NECTIN1: variants seen among roughly 807,000 people sequenced by gnomAD.
NECTIN1 encodes the protein nectin cell adhesion molecule 1.
NECTIN1 carries 23 observed loss-of-function variants against 48.0 expected under a neutral mutation model. That is an observed-to-expected ratio of 0.48 (90% CI 0.34 to 0.68). The LOEUF is 0.68. Ranked by LOEUF, NECTIN1 falls within the 30% of genes least tolerant of loss-of-function variation. The pLI, the probability that NECTIN1 is intolerant of heterozygous loss-of-function variation, is 0.01. For synonymous variants in NECTIN1, 270 were observed against 288.9 expected (o/e 0.93, Z 0.66); for missense variants, 591 against 709.9 (o/e 0.83, Z 1.90).
Position 119,683,572 on chromosome 11 carries a change from G to A in NECTIN1, c.80-4807C>T, listed in dbSNP as rs894009911. On this transcript the variant is annotated intron_variant, in intron 1 of 5. Coordinates refer to ENST00000264025, the MANE Select transcript of NECTIN1 (RefSeq NM_002855.5). The surrounding 1 kb of genome is among the most constrained non-coding windows in gnomAD (Gnocchi z 4.0). ...CAGAAACAGGGGCTTTGGGGATCCC[G>A]GGTGTGTGTGTGTGTGTGTGTGTGT... 1.4e-4 allele frequency among the ~76,000 whole-genome samples: 17 copies of A among 123,750 alleles called. No homozygotes were observed. Among genetic ancestry groups the A allele is most frequent in the African/African-American group, 1.2e-4 (4 of 33,138 alleles). The allele number at this position is 123,750 out of a possible 152,430, so 81.2% of individuals were successfully genotyped here.
chr11:119,681,207 C>T (rs1171393441), intron 1 of NECTIN1, among the ~76,000 whole-genome samples: 1 of 152,252 alleles, frequency 6.6e-6, no homozygotes, highest in Non-Finnish European at 1.5e-5. Context: ...CCCCACCCCT[C>T]CCCCAGGCTG....
chr11:119,651,181 G>C (rs994344650), intron 5 of NECTIN1, among the ~76,000 whole-genome samples: 12 of 152,184 alleles, frequency 7.9e-5, no homozygotes, highest in African/African-American at 2.9e-4. Flanking sequence ...AACAAGAGGA[G>C]GCAGAGTGTT....
rs1793003350 is a variant in NECTIN1, at chr11:119,665,359, G to A, written c.1004-62C>T. 4.0e-6 allele frequency: 6 copies of A among 1,510,052 alleles called. No homozygotes were observed. In the South Asian group the frequency reaches 7.7e-5, roughly 19 times the overall value. The allele number at this position is 1,510,052 out of a possible 1,614,324, so 93.5% of individuals were successfully genotyped here. On this transcript the variant is annotated intron_variant, in intron 5 of 5. Coordinates refer to ENST00000264025, the MANE Select transcript of NECTIN1 (RefSeq NM_002855.5). This position sits in a 1 kb window ranked among gnomAD's most constrained non-coding sequence, Gnocchi z 5.1. ...CGTGTGCTCCTGGGGTGTAGAGGGG[G>A]TGGGAGGGAGGCAGGGAAAGGAGAG...
At position 119,683,684 on chromosome 11, in the gene NECTIN1, A is replaced by C. The variant is rs963956847; in HGVS notation, c.80-4919T>G. 2.6e-5 allele frequency among the ~76,000 whole-genome samples: 4 copies of C among 151,896 alleles called. No homozygotes were observed. The highest frequency in any genetic ancestry group is 5.9e-5 in the Non-Finnish European group (4 of 67,988). The stretch of plus-strand genomic sequence containing the variant: ...TGGGGAGTGAAGGGCAGAGGCATCC[A>C]TAGAACCTGTGCCCTCAGCAGAGGG... On this transcript the variant is annotated intron_variant, in intron 1 of 5. Transcript: ENST00000264025. The surrounding 1 kb of genome is among the most constrained non-coding windows in gnomAD (Gnocchi z 4.0).
intron 1 of NECTIN1, among the ~76,000 whole-genome samples, chr11:119,686,489 G>A (rs1865156578): frequency 6.6e-6 from 1 of 152,078 alleles, no homozygotes; most frequent in South Asian, 2.1e-4. Flanking sequence ...GCTGCCAGAG[G>A]GATCTCTGTA....
Position 119,728,559 on chromosome 11 carries a change from G to A in NECTIN1, c.-6C>T. The A allele has an allele frequency of 1.3e-6, 2 of 1,572,548 alleles. No homozygotes were observed. Among genetic ancestry groups the A allele is most frequent in the Non-Finnish European group, 1.7e-6 (2 of 1,157,608 alleles). On this transcript the variant is annotated 5_prime_UTR_variant, in exon 1 of 6. Coordinates refer to ENST00000264025, the MANE Select transcript of NECTIN1 (RefSeq NM_002855.5). The stretch of plus-strand genomic sequence containing the variant: ...GCAAGCCCCATCCGAGCCATCGGGG[G>A]CCGGGGGTCCGGCGAGAGGGGCGGC...
rs75566521 is a variant in NECTIN1, at chr11:119,700,335, C to T, written c.80-21570G>A. Among the ~76,000 whole-genome samples the T allele has an allele frequency of 8.2e-3, 1,245 of 152,326 alleles. 10 individuals carry two copies. The highest frequency in any genetic ancestry group is 0.014 in the Non-Finnish European group (968 of 68,034). On this transcript the variant is annotated intron_variant, in intron 1 of 5. Transcript: ENST00000264025. ...TAGTTACAATGTCATTTGTCAAGTG[C>T]GGACACCTAGTTCGTGAAAGGGGCC... is the stretch of plus-strand genomic sequence containing the variant.
chr11:119,693,093 A>T (rs1252628823), intron 1 of NECTIN1, among the ~76,000 whole-genome samples: 1 of 152,202 alleles, frequency 6.6e-6, no homozygotes, highest in African/African-American at 2.4e-5. Flanking sequence ...CCGGCAGCCC[A>T]GCACAAGGAT....
chr11:119,693,082 C>A (rs1222230971), intron 1 of NECTIN1, among the ~76,000 whole-genome samples: 2 of 152,190 alleles, frequency 1.3e-5, no homozygotes, highest in Non-Finnish European at 2.9e-5. Flanking sequence ...GGCTAGCAAC[C>A]CCGGCAGCCC....
At chr11:119,708,800 G>A (rs892440601) in intron 1 of NECTIN1, among the ~76,000 whole-genome samples, 1 of 152,144 alleles carries the variant, frequency 6.6e-6, no homozygotes, top group Non-Finnish European at 1.5e-5. Context: ...GAAGAAAAGA[G>A]GCACATGAAG....
chr11:119,665,293 G>A lies in NECTIN1; in HGVS notation c.1008C>T (p.Phe336=), dbSNP rs1864747031. 6.5e-7 allele frequency: 1 copy of A among 1,547,238 alleles called. No individual in the cohort carries two copies. Among genetic ancestry groups the A allele is most frequent in the African/African-American group, 1.4e-5 (1 of 73,438 alleles). ...GTTCGGGAGGAGACGGGGTGTAGGG[G>A]AATTCTGGGTGAGGAAAAGAGATGG... is the stretch of plus-strand genomic sequence containing the variant. ...SGQVEVNITE[F]PYTPSPPEHG... is the part of the protein sequence containing the mutation. The change falls in exon 6 of 6, where the codon TTC becomes TTT. Residue 336 remains phenylalanine, a synonymous_variant. Coordinates refer to ENST00000264025, the MANE Select transcript of NECTIN1 (RefSeq NM_002855.5). This position sits in a 1 kb window ranked among gnomAD's most constrained non-coding sequence, Gnocchi z 5.1.
At chr11:119,710,435 G>A (rs1192720342) in intron 1 of NECTIN1, among the ~76,000 whole-genome samples, 222 of 2,044 alleles carry the variant, frequency 0.11, 3 homozygotes, top group South Asian at 0.35. Flanking sequence ...CACACACACA[G>A]CCCTGCATGC....
At chr11:119,687,093 G>A (rs1044836239) in intron 1 of NECTIN1, among the ~76,000 whole-genome samples, 3 of 152,046 alleles carry the variant, frequency 2.0e-5, no homozygotes, top group African/African-American at 4.8e-5. Context: ...GTCAGGGTCC[G>A]AATCTTCTCC....
chr11:119,720,360 G>A (rs142393470), intron 1 of NECTIN1, among the ~76,000 whole-genome samples: 156 of 152,370 alleles, frequency 1.0e-3, no homozygotes, highest in African/African-American at 3.6e-3. Context: ...CTGCTGGCAG[G>A]CCCTCACAGG....
chr11:119,695,401 T>C (rs973930781), intron 1 of NECTIN1, among the ~76,000 whole-genome samples: 12 of 148,780 alleles, frequency 8.1e-5, no homozygotes, highest in South Asian at 4.3e-4. Context: ...TGACCTCAGG[T>C]TCCCACAGCA....
chr11:119,704,771 G>A (rs370255276), intron 1 of NECTIN1, among the ~76,000 whole-genome samples: 1 of 152,156 alleles, frequency 6.6e-6, no homozygotes, highest in Non-Finnish European at 1.5e-5. Context: ...GGCTCTCTCC[G>A]GGCAGGTGAG....
intron 1 of NECTIN1, among the ~76,000 whole-genome samples, chr11:119,719,838 G>A (rs940787634): frequency 6.6e-6 from 1 of 152,172 alleles, no homozygotes; most frequent in Non-Finnish European, 1.5e-5. Context: ...TGGATGAGGC[G>A]CTGGGGGATT....
intron 1 of NECTIN1, among the ~76,000 whole-genome samples, chr11:119,718,578 C>A (rs1380758412): frequency 2.6e-5 from 4 of 152,218 alleles, no homozygotes; most frequent in Admixed American, 2.6e-4. Context: ...AGCCCTGGAT[C>A]CACCCAGGAT....
intron 1 of NECTIN1, among the ~76,000 whole-genome samples, chr11:119,712,582 A>C (rs1309360037): frequency 3.3e-5 from 5 of 151,608 alleles, no homozygotes; most frequent in Non-Finnish European, 7.4e-5. Flanking sequence ...AAAATCTTCA[A>C]AAAAAAAGGG....
Sources: allele counts gnomAD v4.1 joint callset (sites outside exome capture counted in the v4.1 genomes callset), GRCh38; gene constraint gnomAD v4.1.1; non-coding constraint Gnocchi (gnomAD v3.1); transcripts MANE v1.5; gene names NCBI Gene and HGNC (gene_info 2026-07-23, HGNC 2026-07-21).